The following FCN2 variants were observed in gnomAD, a reference collection of about 807,000 sequenced individuals.
The protein encoded by FCN2 is ficolin-2.
A neutral mutation model predicts 32.5 loss-of-function variants in FCN2; 31 were observed. The observed-to-expected ratio is 0.96, with a 90% CI of 0.72 to 1.29. FCN2 has a LOEUF of 1.29. Among genes scored for constraint, FCN2 ranks in the 50% most tolerant of loss-of-function variants. The pLI, the probability that FCN2 is intolerant of heterozygous loss-of-function variation, is 0.00. For synonymous variants in FCN2, 181 were observed against 164.5 expected, an observed-to-expected ratio of 1.10 and a Z score of -0.77; for missense variants, 412 against 406.5, an observed-to-expected ratio of 1.01 and a Z score of -0.12.
At chr9:134,882,963 A>G (rs1830686589) in intron 2 of FCN2, among the ~76,000 whole-genome samples, 1 of 151,792 alleles carries the variant, frequency 6.6e-6, no homozygotes, top group South Asian at 2.1e-4. Flanking sequence ...AGGCCATGAC[A>G]CTCTTCTCCA....
upstream of FCN2, among the ~76,000 whole-genome samples, chr9:134,880,047 ATGTC>A (rs1209734483): frequency 1.3e-5 from 2 of 152,094 alleles, no homozygotes; most frequent in African/African-American, 2.4e-5. Flanking sequence ...TACAGGTGGG[ATGTC>A]TGGCCTCAGG....
At chr9:134,882,350 G>A (rs1830675890) in intron 1 of FCN2, among the ~76,000 whole-genome samples, 176 bp from the exon 2 acceptor site, 1 of 152,222 alleles carries the variant, frequency 6.6e-6, no homozygotes, top group South Asian at 2.1e-4. Flanking sequence ...ACCAGGGCAG[G>A]AAAACCTCCC....
the FCN2 span, among the ~76,000 whole-genome samples, chr9:134,866,122 G>A: frequency 6.6e-6 from 1 of 150,790 alleles, no homozygotes; most frequent in Admixed American, 6.6e-5. Context: ...TTTCTTCACA[G>A]AATTGGAAAA....
At chr9:134,864,798 C>T in the FCN2 span, among the ~76,000 whole-genome samples, 1 of 152,216 alleles carries the variant, frequency 6.6e-6, no homozygotes. Flanking sequence ...CTCATTTTCT[C>T]AACAGATTGT....
At chr9:134,876,506 T>G (rs1457644249), upstream of FCN2, among the ~76,000 whole-genome samples, 1 of 152,228 alleles carries the variant, frequency 6.6e-6, no homozygotes, top group Non-Finnish European at 1.5e-5. Flanking sequence ...CAGTACCACA[T>G]TATCCTGATA....
intron 3 of FCN2, among the ~76,000 whole-genome samples, chr9:134,883,777 T>G (rs1225760490): frequency 1.2e-5 from 1 of 80,538 alleles, no homozygotes; most frequent in Non-Finnish European, 2.4e-5. Context: ...GCTGTCAATA[T>G]GGGGGAGAGA....
At position 134,886,528 on chromosome 9, in the gene FCN2, A is replaced by C; in HGVS notation, c.658A>C (p.Asn220His). 6.2e-7 allele frequency: 1 copy of C among 1,614,108 alleles called. No homozygotes were observed. Among genetic ancestry groups the C allele is most frequent in the Non-Finnish European group, 8.5e-7 (1 of 1,179,998 alleles). The change falls in exon 7 of 8, where the codon AAT becomes CAT. Residue 220 changes from asparagine to histidine, a missense_variant. By Grantham distance (68) the Asn-to-His change is moderately conservative (BLOSUM62 1). Coordinates refer to ENST00000291744, the MANE Select transcript of FCN2 (RefSeq NM_004108.3). ...FKVADEAEKY[N>H]LVLGAFVEGS... ...GGTGGCCGACGAGGCGGAGAAGTAC[A>C]ATCTGGTCCTGGGGGCCTTCGTGGA...
chr9:134,885,150 C>T (rs1564207746), intron 4 of FCN2, 89 bp from the exon 5 acceptor site: 1 of 1,560,350 alleles, frequency 6.4e-7, no homozygotes, highest in Non-Finnish European at 8.8e-7. Context: ...CGCCTATGGC[C>T]CTGCTTCTTC....
At chr9:134,879,830 G>A (rs1022094666), upstream of FCN2, among the ~76,000 whole-genome samples, 1 of 152,166 alleles carries the variant, frequency 6.6e-6, no homozygotes, top group Non-Finnish European at 1.5e-5. Context: ...TCGGCATCCC[G>A]ATGGCAGCAG....
At chr9:134,873,980 A>G in the FCN2 span, among the ~76,000 whole-genome samples, 1 of 148,638 alleles carries the variant, frequency 6.7e-6, no homozygotes, top group Non-Finnish European at 1.5e-5. Context: ...GCCCAATCTT[A>G]GCTCACTGCA....
intron 4 of FCN2, 149 bp from the exon 5 acceptor site, chr9:134,885,089 TG>T: frequency 3.4e-6 from 4 of 1,180,006 alleles, no homozygotes; most frequent in Non-Finnish European, 3.6e-6. Flanking sequence ...TGCGTGGCCC[TG>T]GGGGCCGTGT....
At chr9:134,871,382 C>T in the FCN2 span, among the ~76,000 whole-genome samples, 1 of 152,186 alleles carries the variant, frequency 6.6e-6, no homozygotes, top group Non-Finnish European at 1.5e-5. Context: ...ATGGGGGGCT[C>T]ATGCCTGGCA....
At chr9:134,886,886 A>G (rs976292010) in intron 7 of FCN2, among the ~76,000 whole-genome samples, 2 of 152,146 alleles carry the variant, frequency 1.3e-5, no homozygotes, top group African/African-American at 4.8e-5. Context: ...TGGAATCCAG[A>G]GTAGAGAATG....
chr9:134,882,457 G>A (rs528898397), intron 1 of FCN2, 69 bp from the exon 2 acceptor site: 2 of 1,255,738 alleles, frequency 1.6e-6, no homozygotes, highest in South Asian at 1.2e-5. Context: ...CAGTTGAGTG[G>A]TATATCTATG....
chr9:134,874,406 G>T, the FCN2 span, among the ~76,000 whole-genome samples: 3 of 151,958 alleles, frequency 2.0e-5, no homozygotes, highest in Non-Finnish European at 4.4e-5. Flanking sequence ...ATAGTGTGAG[G>T]TAGGGACCAA....
the FCN2 span, among the ~76,000 whole-genome samples, chr9:134,871,918 C>T: frequency 2.6e-5 from 4 of 152,140 alleles, no homozygotes; most frequent in African/African-American, 9.7e-5. Flanking sequence ...CAGAAGCTTC[C>T]TCGTTGCAAT....
the FCN2 span, among the ~76,000 whole-genome samples, chr9:134,873,902 TTTTTTTG>T: frequency 1.7e-4 from 8 of 48,010 alleles, no homozygotes; most frequent in South Asian, 9.0e-4. Context: ...GTTTTTTGTT[TTTTTTTG>T]TTTTTGTTTT....
Position 134,882,658 on chromosome 9 carries a change from G to T in FCN2, c.214+19G>T. 1 of 1,524,686 alleles carries T rather than the reference G, an allele frequency of 6.6e-7. No individual in the cohort carries two copies. Among genetic ancestry groups the T allele is most frequent in the Non-Finnish European group, 9.1e-7 (1 of 1,099,180 alleles). 94.4% of individuals were successfully genotyped at this position (1,524,686 alleles called of 1,614,324 possible). On this transcript the variant is annotated intron_variant, in intron 2 of 7. Coordinates refer to ENST00000291744, the MANE Select transcript of FCN2 (RefSeq NM_004108.3). ...AAGAGAGGTAGGTGCAGGCATGGCT[G>T]GGGGCACTGGCTCTTGCTCTTTTTG... is the stretch of plus-strand genomic sequence containing the variant.
rs773977842 is a variant in FCN2, at chr9:134,884,729, T to C, written c.269-11T>C. On this transcript the variant is annotated splice_polypyrimidine_tract_variant and intron_variant, in intron 3 of 7. Coordinates refer to ENST00000291744, the MANE Select transcript of FCN2 (RefSeq NM_004108.3). ...ACTGTGACACGTGTGTCCTCTCTCA[T>C]CCATGAACAGGAGCACCTGGGGAGC... 12 of 1,613,562 alleles carry C rather than the reference T, an allele frequency of 7.4e-6. No homozygotes were observed. Among genetic ancestry groups the C allele is most frequent in the Non-Finnish European group, 9.3e-6 (11 of 1,179,736 alleles).
Sources: gnomAD v4.1 joint callset for allele counts (sites outside exome capture counted in the v4.1 genomes callset) on GRCh38, gnomAD v4.1.1 for gene constraint, MANE v1.5 for transcripts, NCBI Gene and HGNC (gene_info 2026-07-23, HGNC 2026-07-21) for gene names.